Variants in LRFN5 observed in about 807,000 individuals in gnomAD.
LRFN5 encodes leucine-rich repeat and fibronectin type-III domain-containing protein 5.
Under a neutral mutation model 45.6 loss-of-function variants are expected in LRFN5, and 24 were observed. That is an observed-to-expected ratio of 0.53 (90% CI 0.38 to 0.74). The LOEUF (loss-of-function observed/expected upper bound fraction) is 0.74. Among genes scored for constraint, LRFN5 ranks in the 30% least tolerant of loss-of-function variants. The pLI, the probability that LRFN5 is intolerant of heterozygous loss-of-function variation, is 0.00. For synonymous variants in LRFN5, 340 were observed against 313.8 expected (o/e 1.08, Z -0.88); for missense variants, 776 against 861.5 (o/e 0.90, Z 1.24).
intron 1 of LRFN5, among the ~76,000 whole-genome samples, chr14:41,667,747 G>A (rs1229073870): frequency 6.6e-6 from 1 of 152,096 alleles, no homozygotes; most frequent in African/African-American, 2.4e-5. Context: ...AATGCTGGTG[G>A]CCTGTCTGTC....
intron 1 of LRFN5, among the ~76,000 whole-genome samples, chr14:41,687,720 A>G (rs1882183757): frequency 6.6e-6 from 1 of 152,204 alleles, no homozygotes; most frequent in Non-Finnish European, 1.5e-5. Context: ...CATCATCCTC[A>G]GCAAACTAAC....
At chr14:41,835,640 C>T (rs1287403252) in intron 2 of LRFN5, among the ~76,000 whole-genome samples, 2 of 152,068 alleles carry the variant, frequency 1.3e-5, no homozygotes, top group African/African-American at 4.8e-5. Context: ...GTGGGAGGGT[C>T]GCTTGAGCCT....
chr14:41,782,064 C>G (rs1440906006), intron 2 of LRFN5, among the ~76,000 whole-genome samples: 1 of 151,762 alleles, frequency 6.6e-6, no homozygotes, highest in Non-Finnish European at 1.5e-5. Context: ...TAGTGTTTGT[C>G]TTTAATTTAA....
chr14:41,639,238 G>T (rs1361561621), intron 1 of LRFN5, among the ~76,000 whole-genome samples: 3 of 152,066 alleles, frequency 2.0e-5, no homozygotes, highest in Non-Finnish European at 1.5e-5. Flanking sequence ...AAGGCACAGG[G>T]AACACAACGT....
At chr14:41,797,616 AG>A (rs1320051677) in intron 2 of LRFN5, among the ~76,000 whole-genome samples, 1 of 151,584 alleles carries the variant, frequency 6.6e-6, no homozygotes, top group Non-Finnish European at 1.5e-5. Flanking sequence ...CCAGACAAAA[AG>A]TTTTGGATTT....
chr14:41,688,150 G>T (rs1459267037), intron 1 of LRFN5, among the ~76,000 whole-genome samples: 1 of 152,144 alleles, frequency 6.6e-6, no homozygotes. Flanking sequence ...GTAGAATAAT[G>T]GTTACCAGAG....
chr14:41,878,935 A>G (rs1463726779), intron 2 of LRFN5, among the ~76,000 whole-genome samples: 1 of 152,146 alleles, frequency 6.6e-6, no homozygotes, highest in African/African-American at 2.4e-5. Flanking sequence ...ATGCTTCTTT[A>G]CATGAGATCT....
intron 2 of LRFN5, among the ~76,000 whole-genome samples, chr14:41,870,036 A>G (rs1045035447): frequency 6.6e-6 from 1 of 152,150 alleles, no homozygotes; most frequent in Non-Finnish European, 1.5e-5. Flanking sequence ...GTACACATGT[A>G]TTATCTCCAG....
At chr14:41,902,080 C>T (rs1045845485) in intron 5 of LRFN5, among the ~76,000 whole-genome samples, 1 of 151,938 alleles carries the variant, frequency 6.6e-6, no homozygotes, top group African/African-American at 2.4e-5. Flanking sequence ...TTCTTAATTA[C>T]ATTGAGAATA....
chr14:41,737,529 G>C (rs1213656522), intron 1 of LRFN5, among the ~76,000 whole-genome samples: 2 of 152,106 alleles, frequency 1.3e-5, no homozygotes, highest in South Asian at 2.1e-4. Flanking sequence ...AAGAAATAAA[G>C]GGTATTCAAA....
At chr14:41,734,316 T>TTATATATATATATGTATATATATA (rs1555358692) in intron 1 of LRFN5, among the ~76,000 whole-genome samples, 12 of 38,764 alleles carry the variant, frequency 3.1e-4, no homozygotes, top group Non-Finnish European at 6.9e-4. Context: ...TGGACTGGTT[T>TTATATATATATATGTATATATATA]TATATATATA....
chr14:41,607,326 G>T lies in LRFN5; in HGVS notation c.-1433G>T, dbSNP rs1186779918. 2.0e-5 allele frequency among the ~76,000 whole-genome samples: 3 copies of T among 152,092 alleles called. No homozygotes were observed. Among genetic ancestry groups the T allele is most frequent in the African/African-American group, 7.2e-5 (3 of 41,424 alleles). ...TCAGAAAAAAAAAGCGCAACTGGAC[G>T]GGGGTGGGGCAGACCAACGAAACCT... On this transcript the variant is annotated 5_prime_UTR_variant, in exon 1 of 6. Coordinates refer to ENST00000298119, the MANE Select transcript of LRFN5 (RefSeq NM_152447.5).
At chr14:41,869,429 T>A (rs80230399) in intron 2 of LRFN5, among the ~76,000 whole-genome samples, 1 of 143,848 alleles carries the variant, frequency 7.0e-6, no homozygotes, top group Non-Finnish European at 1.5e-5. Flanking sequence ...TTTATGCAGC[T>A]TTTTTTTTTT....
chr14:41,704,434 C>G (rs75248763), intron 1 of LRFN5, among the ~76,000 whole-genome samples: 750 of 42,986 alleles, frequency 0.017, 15 homozygotes, highest in South Asian at 0.046. Flanking sequence ...CTCTCTCTCT[C>G]TCTCTCTCTC....
intron 2 of LRFN5, among the ~76,000 whole-genome samples, chr14:41,776,035 ATG>A (rs915162483): frequency 6.6e-6 from 1 of 152,184 alleles, no homozygotes; most frequent in African/African-American, 2.4e-5. Flanking sequence ...TGTGGCCTGA[ATG>A]TGTCACTAAG....
At chr14:41,657,273 C>G (rs1309982755) in intron 1 of LRFN5, among the ~76,000 whole-genome samples, 1 of 151,746 alleles carries the variant, frequency 6.6e-6, no homozygotes, top group East Asian at 1.9e-4. Flanking sequence ...GTAAGTGGGG[C>G]TATGTTTTTA....
intron 2 of LRFN5, among the ~76,000 whole-genome samples, chr14:41,861,605 C>G (rs1262370206): frequency 6.6e-6 from 1 of 152,094 alleles, no homozygotes; most frequent in African/African-American, 2.4e-5. Flanking sequence ...TGTTATTTAT[C>G]TCTGTATTTC....
At chr14:41,740,109 A>T (rs909012979) in intron 1 of LRFN5, among the ~76,000 whole-genome samples, 3 of 152,106 alleles carry the variant, frequency 2.0e-5, no homozygotes, top group African/African-American at 7.2e-5. Flanking sequence ...TGCCAATTCT[A>T]CCAAACATTT....
intron 1 of LRFN5, among the ~76,000 whole-genome samples, chr14:41,761,824 T>C (rs182859077): frequency 4.7e-4 from 71 of 152,282 alleles, no homozygotes; most frequent in Non-Finnish European, 5.1e-4. Context: ...TGACAAAATA[T>C]TGTTGTGCAA....
Sources: allele counts gnomAD v4.1 joint callset (sites outside exome capture counted in the v4.1 genomes callset), GRCh38; gene constraint gnomAD v4.1.1; transcripts MANE v1.5; gene names NCBI Gene and HGNC (gene_info 2026-07-23, HGNC 2026-07-21).